ZMYND8: variants seen among roughly 807,000 people sequenced by gnomAD.
ZMYND8 encodes zinc finger MYND-type containing 8.
Under a neutral mutation model 140.8 loss-of-function variants are expected in ZMYND8, and 37 were observed. That is an observed-to-expected ratio of 0.26 (90% confidence interval 0.20 to 0.35). The LOEUF is 0.35. Among genes scored for constraint, ZMYND8 ranks in the 10% least tolerant of loss-of-function variants. The probability of loss-of-function intolerance (pLI) is 1.00; values close to 1 mark genes in which losing one functional copy is unlikely to be tolerated. For synonymous variants in ZMYND8, 592 were observed against 597.1 expected (o/e 0.99, Z 0.12); for missense variants, 1,068 against 1,570.0 (o/e 0.68, Z 5.40).
intron 2 of ZMYND8, among the ~76,000 whole-genome samples, chr20:47,336,320 T>C (rs569105047): frequency 6.6e-6 from 1 of 152,314 alleles, no homozygotes; most frequent in African/African-American, 2.4e-5. Context: ...AATGATACTG[T>C]TCAAGATTTT....
chr20:47,322,751 A>T (rs944928309), intron 2 of ZMYND8, among the ~76,000 whole-genome samples: 9 of 152,254 alleles, frequency 5.9e-5, no homozygotes, highest in African/African-American at 1.9e-4. Context: ...AGGCTCAGAG[A>T]GGCAAAGTCA....
At chr20:47,290,487 T>C (rs1255603280) in intron 6 of ZMYND8, among the ~76,000 whole-genome samples, 1 of 152,212 alleles carries the variant, frequency 6.6e-6, no homozygotes, top group Non-Finnish European at 1.5e-5. Context: ...AAATGCACTC[T>C]TTGAATTTAA....
chr20:47,213,369 G>T (rs1035574076), intron 21 of ZMYND8, among the ~76,000 whole-genome samples: 9 of 152,116 alleles, frequency 5.9e-5, no homozygotes, highest in African/African-American at 2.2e-4. Flanking sequence ...TTGAAAGTAA[G>T]ATCAAGAGAA....
chr20:47,315,954 T>C (rs998676635), intron 2 of ZMYND8, among the ~76,000 whole-genome samples: 4 of 152,186 alleles, frequency 2.6e-5, no homozygotes, highest in Admixed American at 6.5e-5. Flanking sequence ...CAGCTTGGCA[T>C]GGAGCGGAAA....
rs1219989637 is a variant in ZMYND8, at chr20:47,230,055, G to A, written c.2857-249C>T. Among the ~76,000 whole-genome samples, 5 of 152,172 alleles carry A rather than the reference G, an allele frequency of 3.3e-5. 1 individual carries two copies. Among genetic ancestry groups the A allele is most frequent in the South Asian group, 4.1e-4 (2 of 4,824 alleles). On this transcript the variant is annotated intron_variant, in intron 16 of 22. Transcript: ENST00000471951. ...CCTACCTGAACCATGCTAAAGGCAC[G>A]GAAGGACCCCACACAAAAAACAATG...
intron 2 of ZMYND8, among the ~76,000 whole-genome samples, chr20:47,333,354 C>T (rs1458059285): frequency 6.6e-6 from 1 of 151,506 alleles, no homozygotes; most frequent in Non-Finnish European, 1.5e-5. Context: ...AGGCAGGCAG[C>T]ACTTTGAGAG....
intron 1 of ZMYND8, chr20:47,349,813 C>T (rs2082623711): frequency 1.3e-6 from 2 of 1,533,788 alleles, no homozygotes; most frequent in East Asian, 2.4e-5. Flanking sequence ...CTGAAATCTA[C>T]AGTGGTGAGG....
At chr20:47,354,771 T>C (rs1183989220) in intron 1 of ZMYND8, 1 of 152,220 alleles carries the variant, frequency 6.6e-6, no homozygotes, top group Non-Finnish European at 1.5e-5. Flanking sequence ...TGTACTGAAC[T>C]TCTAGGGAAA....
chr20:47,351,777 A>C (rs2148630400), intron 1 of ZMYND8: 8 of 985,424 alleles, frequency 8.1e-6, no homozygotes, highest in Admixed American at 6.1e-5. Context: ...GTCTGGCAAC[A>C]CTGCCTCATT....
intron 3 of ZMYND8, among the ~76,000 whole-genome samples, chr20:47,304,004 G>T (rs1229470143): frequency 7.3e-6 from 1 of 136,780 alleles, no homozygotes; most frequent in Non-Finnish European, 1.5e-5. Flanking sequence ...TCTGCTGCTT[G>T]TAAGTGTTTC....
rs549295142 is a variant in ZMYND8, at chr20:47,216,101, G to A, written c.3485-3376C>T. Among the ~76,000 whole-genome samples, 12 of 152,302 alleles carry A rather than the reference G, an allele frequency of 7.9e-5. No individual in the cohort carries two copies. The South Asian group carries it at 1.4e-3, about 18-fold the overall frequency. ...GCCCTGAGCGCCCAGGGATGGTGACGCAGGGAGAGATGCAGGGAGGTCCAA... is the reference window on the plus strand; with the variant it reads ...GCCCTGAGCGCCCAGGGATGGTGACACAGGGAGAGATGCAGGGAGGTCCAA... On this transcript the variant is annotated intron_variant, in intron 21 of 22. Transcript: ENST00000471951.
At chr20:47,306,265 T>C (rs2078474282) in intron 3 of ZMYND8, among the ~76,000 whole-genome samples, 2 of 151,792 alleles carry the variant, frequency 1.3e-5, no homozygotes, top group South Asian at 2.1e-4. Context: ...TGTGCTGACA[T>C]GTGCCGATAG....
chr20:47,282,419 T>C (rs2076660612), intron 9 of ZMYND8, among the ~76,000 whole-genome samples: 2 of 152,098 alleles, frequency 1.3e-5, no homozygotes, highest in African/African-American at 2.4e-5. Flanking sequence ...TGGAGTTAAA[T>C]GGTGAAATCA....
intron 16 of ZMYND8, 108 bp from the exon 17 acceptor site, chr20:47,229,914 C>T: frequency 1.1e-6 from 1 of 950,768 alleles, no homozygotes; most frequent in Non-Finnish European, 1.6e-6. Flanking sequence ...CAACTTAGGG[C>T]AATTTTGTCC....
At chr20:47,250,507 T>G (rs2074083615) in intron 12 of ZMYND8, among the ~76,000 whole-genome samples, 1 of 152,194 alleles carries the variant, frequency 6.6e-6, no homozygotes, top group South Asian at 2.1e-4. Context: ...CCTCTGAGCC[T>G]GTTCCCAACA....
chr20:47,355,575 C>CACA lies in ZMYND8; in HGVS notation c.14+1079_14+1081dup, dbSNP rs1012380316. The CACA allele has an allele frequency of 1.7e-5, 14 of 822,180 alleles. No individual in the cohort carries two copies. In the African/African-American group the frequency reaches 2.0e-4, roughly 12 times the overall value. The allele number at this position is 822,180 out of a possible 1,614,324, so 50.9% of individuals were successfully genotyped here. A position where few individuals can be genotyped will look rare whatever the true frequency, so the allele number is the denominator to read the frequency against. On this transcript the variant is annotated intron_variant, in intron 1 of 22. Coordinates refer to ENST00000471951, the MANE Select transcript of ZMYND8 (RefSeq NM_001281775.3). ...GTTACATGGTATTATTAAAAACACA[C>CACA]ACAACAACAACAACACAACCCAACA... is the stretch of plus-strand genomic sequence containing the variant.
intron 2 of ZMYND8, among the ~76,000 whole-genome samples, chr20:47,337,700 A>C (rs2081496934): frequency 6.6e-6 from 1 of 152,092 alleles, no homozygotes; most frequent in Non-Finnish European, 1.5e-5. Context: ...CCACGCAAAC[A>C]CACCTGGCAT....
At chr20:47,252,161 G>A (rs1225243881) in intron 12 of ZMYND8, among the ~76,000 whole-genome samples, 1 of 151,840 alleles carries the variant, frequency 6.6e-6, no homozygotes, top group East Asian at 1.9e-4. Context: ...AGGCATGGTG[G>A]TGGGTGCCTG....
chr20:47,308,692 T>C (rs2078689200), intron 3 of ZMYND8, among the ~76,000 whole-genome samples: 1 of 152,108 alleles, frequency 6.6e-6, no homozygotes, highest in Non-Finnish European at 1.5e-5. Flanking sequence ...CCCATTTCAG[T>C]AGATGAGAAA....
Sources: gnomAD v4.1 joint callset for allele counts (sites outside exome capture counted in the v4.1 genomes callset) on GRCh38, gnomAD v4.1.1 for gene constraint, MANE v1.5 for transcripts, NCBI Gene and HGNC (gene_info 2026-07-23, HGNC 2026-07-21) for gene names.